ATP2C2: variants seen among roughly 807,000 people sequenced by gnomAD.
ATP2C2 encodes ATPase secretory pathway Ca2+ transporting 2, also known as calcium-transporting ATPase type 2C member 2.
ATP2C2 carries 171 observed loss-of-function variants against 110.8 expected under a neutral mutation model. The observed-to-expected ratio is 1.54, with a 90% CI of 1.36 to 1.75. ATP2C2 has a LOEUF of 1.75. Among genes scored for constraint, ATP2C2 ranks in the 40% most tolerant of loss-of-function variants. ATP2C2 has a pLI of 0.00. For synonymous variants in ATP2C2, 804 were observed against 508.4 expected (o/e 1.58, Z -7.82); for missense variants, 1,963 against 1,235.0 (o/e 1.59, Z -8.84).
intron 6 of ATP2C2, among the ~76,000 whole-genome samples, chr16:84,412,483 T>C (rs1245583892): frequency 1.5e-5 from 2 of 136,804 alleles, no homozygotes; most frequent in African/African-American, 5.4e-5. Context: ...TGTGCATGTG[T>C]ATGTGTGCAT....
At chr16:84,410,468 A>C in intron 4 of ATP2C2, 100 bp from the exon 5 acceptor site, 1 of 1,357,346 alleles carries the variant, frequency 7.4e-7, no homozygotes, top group Non-Finnish European at 1.1e-6. Flanking sequence ...TGCAAGAAGA[A>C]AGGAAATCAA....
chr16:84,433,575 C>T (rs34043559), intron 11 of ATP2C2, among the ~76,000 whole-genome samples: 14,149 of 151,902 alleles, frequency 0.093, 778 homozygotes, highest in South Asian at 0.21. Flanking sequence ...TCTCTTGAAC[C>T]CGGGAGGTGG....
At chr16:84,400,608 T>G (rs553989809) in intron 2 of ATP2C2, among the ~76,000 whole-genome samples, 2 of 152,204 alleles carry the variant, frequency 1.3e-5, no homozygotes, top group Non-Finnish European at 2.9e-5. Flanking sequence ...ATTACAGGCA[T>G]GAGCCACCGC....
At chr16:84,437,634 G>C (rs895169312) in intron 11 of ATP2C2, among the ~76,000 whole-genome samples, 2 of 152,166 alleles carry the variant, frequency 1.3e-5, no homozygotes, top group Non-Finnish European at 2.9e-5. Context: ...TCCTGCCTCA[G>C]CCTCCTGAGT....
In ATP2C2 at chr16:84,398,560, C is replaced by A. The variant is rs367973596; in HGVS notation, c.161C>A (p.Pro54His). 4 of 1,612,796 alleles carry A rather than the reference C, an allele frequency of 2.5e-6. No individual in the cohort carries two copies. In the African/African-American group the frequency reaches 4.0e-5, roughly 16 times the overall value. The change falls in exon 2 of 27, where the codon CCC becomes CAC. Residue 54 changes from proline to histidine, a missense_variant. By Grantham distance (77) the Pro-to-His change is moderately conservative. Coordinates refer to ENST00000262429, the MANE Select transcript of ATP2C2 (RefSeq NM_014861.4). ...EKEKKVTALP[P>H]KEACKCQKED... ...GAGAAGAAGGTGACAGCCCTGCCCC[C>A]CAAGGAAGCGTGCAAATGCCAGAAA... is the stretch of plus-strand genomic sequence containing the variant.
Position 84,460,745 on chromosome 16 carries a change from A to G in ATP2C2, c.2425A>G (p.Ile809Val). The G allele has an allele frequency of 6.2e-7, 1 of 1,614,100 alleles. No individual in the cohort carries two copies. Among genetic ancestry groups the G allele is most frequent in the African/African-American group, 1.3e-5 (1 of 75,046 alleles). ...TILSRALILKILMSAAIIISG... is the reference protein window; with the variant it reads ...TILSRALILKVLMSAAIIISG... ...CCTCAGCAGAGCCCTCATCCTGAAG[A>G]TCCTCATGTCCGCGGCCATCATCAT... is the stretch of plus-strand genomic sequence containing the variant. Residue 809 changes from isoleucine (I) to valine (V), a missense_variant, in exon 24 of 27, where the codon ATC becomes GTC. Transcript: ENST00000262429.
At chr16:84,434,347 C>T (rs562237010) in intron 11 of ATP2C2, among the ~76,000 whole-genome samples, 72 of 151,252 alleles carry the variant, frequency 4.8e-4, no homozygotes, top group African/African-American at 1.6e-3. Context: ...ACCCTGGAGG[C>T]GGAGGTTGCG....
chr16:84,429,720 A>G lies in ATP2C2; in HGVS notation c.986+3919A>G, dbSNP rs76842912. On this transcript the variant is annotated intron_variant, in intron 11 of 26. Coordinates refer to ENST00000262429, the MANE Select transcript of ATP2C2 (RefSeq NM_014861.4). ...GTGGGAGAGGGAGCGTGAAGCTGAG[A>G]TCTGGAGGAGCTGTGGCTGATGTGA... Among the ~76,000 whole-genome samples the G allele has an allele frequency of 9.6e-3, 1,462 of 152,126 alleles. 31 individuals carry two copies. The highest frequency in any genetic ancestry group is 0.033 in the African/African-American group (1,382 of 41,486).
At chr16:84,397,398 G>A (rs1432245555) in intron 1 of ATP2C2, among the ~76,000 whole-genome samples, 2 of 151,640 alleles carry the variant, frequency 1.3e-5, no homozygotes, top group Non-Finnish European at 2.9e-5. Flanking sequence ...CTGGAAGTTC[G>A]AGGTTCAGGA....
intron 10 of ATP2C2, among the ~76,000 whole-genome samples, chr16:84,424,436 C>G (rs1907616345): frequency 6.6e-6 from 1 of 152,082 alleles, no homozygotes. Flanking sequence ...CACCATCACG[C>G]CCAGCTGATT....
chr16:84,450,562 G>A (rs573583644), intron 17 of ATP2C2, among the ~76,000 whole-genome samples: 2 of 152,304 alleles, frequency 1.3e-5, no homozygotes, highest in East Asian at 3.9e-4. Flanking sequence ...GCAAAGCCCA[G>A]GTTCAGGGAG....
chr16:84,408,573 G>GA (rs201509473), intron 4 of ATP2C2, 79 bp downstream of exon 4: 90 of 1,154,736 alleles, frequency 7.8e-5, no homozygotes, highest in Admixed American at 1.9e-4. Context: ...TGTATATAAA[G>GA]AAAAAAAAGA....
chr16:84,460,661 G>C lies in ATP2C2; in HGVS notation c.2341G>C (p.Val781Leu). Reference sequence around the variant, plus strand: ...GTGTCTTGTTCGGAGCAGCTTGGGGGTAGAGCCCGTTGACAAAGACGCCTT... The same window carrying C: ...GTGTCTTGTTCGGAGCAGCTTGGGGCTAGAGCCCGTTGACAAAGACGCCTT... ...MDGPPAQSLG[V>L]EPVDKDAFRQ... Residue 781 changes from valine to leucine, a missense_variant, in exon 24 of 27, where the codon GTA (valine) becomes CTA (leucine). Val to Leu is a conservative substitution (Grantham distance 32). Transcript: ENST00000262429. The C allele has an allele frequency of 1.9e-6, 3 of 1,614,228 alleles. No individual in the cohort carries two copies. Among genetic ancestry groups the C allele is most frequent in the Non-Finnish European group, 2.5e-6 (3 of 1,180,040 alleles).
intron 1 of ATP2C2, among the ~76,000 whole-genome samples, chr16:84,390,747 C>G (rs1423202839): frequency 6.6e-6 from 1 of 152,188 alleles, no homozygotes; most frequent in Non-Finnish European, 1.5e-5. Context: ...ATGCACTGAA[C>G]TGCATGCTCT....
At chr16:84,461,424 G>C in intron 24 of ATP2C2, 3 of 542,574 alleles carry the variant, frequency 5.5e-6, no homozygotes, top group Non-Finnish European at 9.9e-6. Context: ...TTTAACTGGA[G>C]TGGCATCACC....
In ATP2C2 at chr16:84,453,008, T is replaced by G. The variant is rs1376560758; in HGVS notation, c.1832-130T>G. ...TGGATAGAACCGAGGCCGTGCAGCA[T>G]GGTAGGTCCTCAGTAAACCGTCTCC... On this transcript the variant is annotated intron_variant, in intron 18 of 26. Coordinates refer to ENST00000262429, the MANE Select transcript of ATP2C2 (RefSeq NM_014861.4). 3.4e-6 allele frequency: 3 copies of G among 876,916 alleles called. No homozygotes were observed. The African/African-American group carries it at 5.0e-5, about 15-fold the overall frequency. 54.3% of individuals were successfully genotyped at this position (876,916 alleles called of 1,614,324 possible).
chr16:84,385,894 T>C (rs780297631), intron 1 of ATP2C2, among the ~76,000 whole-genome samples: 1 of 152,184 alleles, frequency 6.6e-6, no homozygotes, highest in African/African-American at 2.4e-5. Flanking sequence ...CAAATGAGAT[T>C]TGGGTGGGGA....
intron 24 of ATP2C2, 91 bp downstream of exon 24, chr16:84,460,892 A>G (rs748954170): frequency 2.0e-6 from 3 of 1,472,640 alleles, no homozygotes; most frequent in Non-Finnish European, 2.7e-6. Flanking sequence ...CACAGCTCAC[A>G]TCTGGGAGAG....
chr16:84,459,500 C>G (rs775308232), intron 23 of ATP2C2, 114 bp downstream of exon 23: 10 of 1,580,136 alleles, frequency 6.3e-6, no homozygotes, highest in East Asian at 2.3e-5. Context: ...AGCCACTTTC[C>G]ATCAGGAGTT....
Sources: allele counts gnomAD v4.1 joint callset (sites outside exome capture counted in the v4.1 genomes callset), GRCh38; gene constraint gnomAD v4.1.1; transcripts MANE v1.5; gene names NCBI Gene and HGNC (gene_info 2026-07-23, HGNC 2026-07-21).